The following MED4 variants were observed in gnomAD, a reference collection of about 807,000 sequenced individuals.
MED4 encodes mediator of RNA polymerase II transcription subunit 4.
In MED4, 21 loss-of-function variants were observed where a neutral mutation model predicts 35.0. That is an observed-to-expected ratio of 0.60 (90% CI 0.43 to 0.86). The LOEUF (loss-of-function observed/expected upper bound fraction) is 0.86, where lower values mean the gene tolerates loss of function less well. Ranked by LOEUF, MED4 falls within the 40% of genes least tolerant of loss-of-function variation. MED4 has a pLI of 0.00. For synonymous variants in MED4, 138 were observed against 114.0 expected, an observed-to-expected ratio of 1.21 and a Z score of -1.34; for missense variants, 300 against 319.4, an observed-to-expected ratio of 0.94 and a Z score of 0.46.
At chr13:48,086,157 C>T in intron 3 of MED4, 125 bp downstream of exon 3, 1 of 828,610 alleles carries the variant, frequency 1.2e-6, no homozygotes, top group East Asian at 2.5e-5. Flanking sequence ...TGGTGAGTGA[C>T]AAGATATCAC....
At chr13:48,091,156 T>C (rs543390169) in intron 1 of MED4, among the ~76,000 whole-genome samples, 30 of 152,326 alleles carry the variant, frequency 2.0e-4, no homozygotes, top group African/African-American at 7.0e-4. Context: ...TTTTTAATGA[T>C]TCTCCACTTT....
intron 2 of MED4, among the ~76,000 whole-genome samples, chr13:48,086,827 A>G (rs905728901): frequency 6.6e-5 from 10 of 152,134 alleles, no homozygotes; most frequent in Non-Finnish European, 1.2e-4. Context: ...ATGCGGGCAG[A>G]TCACTTGAGG....
rs199856249 is a variant in MED4 at position 48,086,430 on chromosome 13, C to T, written c.215G>A (p.Arg72Gln). The change falls in exon 3 of 7, where the codon CGA (arginine) becomes CAA (glutamine). Residue 72 changes from arginine to glutamine, a missense_variant. Coordinates refer to ENST00000258648, the MANE Select transcript of MED4 (RefSeq NM_014166.4). ...ENQVLELLIH[R>Q]DGEFQELMKL... Reference sequence around the variant, plus strand: ...CATTAGTTCTTGAAATTCCCCATCTCGGTGAATTAACAACTCCAGGACCTG... The same window carrying T: ...CATTAGTTCTTGAAATTCCCCATCTTGGTGAATTAACAACTCCAGGACCTG... 36 of 1,613,568 alleles carry T rather than the reference C, an allele frequency of 2.2e-5. 1 individual carries two copies. The highest frequency in any genetic ancestry group is 3.3e-4 in the Middle Eastern group (2 of 6,056).
intron 6 of MED4, among the ~76,000 whole-genome samples, chr13:48,077,708 T>A (rs1950771726): frequency 6.6e-6 from 1 of 152,172 alleles, no homozygotes. Flanking sequence ...ATTGTGCCAA[T>A]TTTTTTAAGA....
At chr13:48,079,692 C>T in intron 6 of MED4, 152 bp downstream of exon 6, 1 of 843,598 alleles carries the variant, frequency 1.2e-6, no homozygotes, top group Non-Finnish European at 1.8e-6. Flanking sequence ...CAACACGCTC[C>T]AGCCTGGGTG....
intron 1 of MED4, among the ~76,000 whole-genome samples, chr13:48,094,613 G>GTC (rs138639384): frequency 0.025 from 3,744 of 152,112 alleles, 79 homozygotes; most frequent in South Asian, 0.078. Context: ...TTACACATCT[G>GTC]TCTCTCTCTC....
At chr13:48,088,728 A>C (rs1950870054) in intron 2 of MED4, among the ~76,000 whole-genome samples, 1 of 152,226 alleles carries the variant, frequency 6.6e-6, no homozygotes, top group Non-Finnish European at 1.5e-5. Context: ...ATTAACCTCT[A>C]CCTCATCCGT....
chr13:48,092,357 C>T (rs187669165), intron 1 of MED4, among the ~76,000 whole-genome samples: 174 of 152,314 alleles, frequency 1.1e-3, no homozygotes, highest in Admixed American at 4.6e-3. Flanking sequence ...GGTGATCCGC[C>T]GGCCTCGGCC....
chr13:48,083,451 A>C, intron 3 of MED4, 23 bp from the exon 4 acceptor site: 1 of 1,606,102 alleles, frequency 6.2e-7, no homozygotes, highest in Non-Finnish European at 8.5e-7. Context: ...ACATTTAAAA[A>C]ACGTGGTTTA....
intron 3 of MED4, 49 bp downstream of exon 3, chr13:48,086,233 A>G: frequency 8.4e-6 from 13 of 1,552,678 alleles, no homozygotes; most frequent in Non-Finnish European, 1.1e-5. Flanking sequence ...TCAGAAACAG[A>G]TTAAACAACA....
chr13:48,094,179 T>C (rs1950908818), intron 1 of MED4, among the ~76,000 whole-genome samples: 1 of 151,830 alleles, frequency 6.6e-6, no homozygotes, highest in Admixed American at 6.6e-5. Flanking sequence ...TAAAACTGTT[T>C]GGGAGGCTAC....
chr13:48,080,978 A>G (rs1330923505), intron 5 of MED4, among the ~76,000 whole-genome samples: 2 of 152,246 alleles, frequency 1.3e-5, no homozygotes, highest in African/African-American at 2.4e-5. Flanking sequence ...TTTTGGGCAC[A>G]TCTCACCAAC....
intron 1 of MED4, among the ~76,000 whole-genome samples, chr13:48,094,104 T>G (rs1232769306): frequency 6.6e-6 from 1 of 152,178 alleles, no homozygotes; most frequent in Non-Finnish European, 1.5e-5. Context: ...AAAAGTGATA[T>G]AAGATGCCTT....
intron 1 of MED4, among the ~76,000 whole-genome samples, chr13:48,092,443 A>C (rs1317271915): frequency 6.6e-6 from 1 of 152,222 alleles, no homozygotes; most frequent in African/African-American, 2.4e-5. Flanking sequence ...ATGAGAAGCC[A>C]CTGGGTTATT....
chr13:48,095,030 C>T lies in MED4; in HGVS notation c.49G>A (p.Gly17Ser), dbSNP rs1478301861. The T allele has an allele frequency of 1.9e-6, 3 of 1,606,320 alleles. No homozygotes were observed. The African/African-American group carries it at 4.0e-5, about 21-fold the overall frequency. Residue 17 changes from glycine (G) to serine (S), a missense_variant, in exon 1 of 7, where the codon GGT (glycine) becomes AGT (serine). Coordinates refer to ENST00000258648, the MANE Select transcript of MED4 (RefSeq NM_014166.4). ...GEKEKERLGG[G>S]LGVAGGNSTR... is the part of the protein sequence containing the mutation. ...CTGTTACCACCCGCCACTCCCAAAC[C>T]GCCTCCCAGCCGCTCCTTCTCCTTC...
chr13:48,085,028 A>G (rs531899330), intron 3 of MED4, among the ~76,000 whole-genome samples: 1 of 151,700 alleles, frequency 6.6e-6, no homozygotes, highest in Admixed American at 6.6e-5. Context: ...CACCATGCCC[A>G]GCTAAATTTT....
rs1201542438 is a variant in MED4 at position 48,076,183 on chromosome 13, T to C, written c.*956A>G. 1 of 152,212 alleles carries C rather than the reference T, an allele frequency of 6.6e-6. No homozygotes were observed. Among genetic ancestry groups the C allele is most frequent in the African/African-American group, 2.4e-5 (1 of 41,462 alleles). 9.4% of individuals were successfully genotyped at this position (152,212 alleles called of 1,614,324 possible). On this transcript the variant is annotated 3_prime_UTR_variant, in exon 7 of 7. Coordinates refer to ENST00000258648, the MANE Select transcript of MED4 (RefSeq NM_014166.4). ...AAATGTTTCACATTAAATGTTGTAT[T>C]ACCTTTGAAATCAGAAGATACATTG...
intron 2 of MED4, among the ~76,000 whole-genome samples, chr13:48,089,589 A>C (rs7323969): frequency 0.24 from 35,855 of 152,044 alleles, 5,068 homozygotes; most frequent in African/African-American, 0.4. Flanking sequence ...CCAAAAAAAA[A>C]AATTTCTTTT....
Position 48,080,335 on chromosome 13 carries a change from T to C in MED4, c.509-360A>G, listed in dbSNP as rs1356202342. Among the ~76,000 whole-genome samples the C allele has an allele frequency of 2.9e-5, 4 of 139,164 alleles. No individual in the cohort carries two copies. In the South Asian group the frequency reaches 6.6e-4, roughly 23 times the overall value. 91.3% of individuals were successfully genotyped at this position (139,164 alleles called of 152,430 possible). A position where few individuals can be genotyped will look rare whatever the true frequency, so the allele number is the denominator to read the frequency against. ...TCGCTTGAACCCGGGAGGCAGAGGT[T>C]GCAGTGAGCTGAGATTGCACCACTG... On this transcript the variant is annotated intron_variant, in intron 5 of 6. Coordinates refer to ENST00000258648, the MANE Select transcript of MED4 (RefSeq NM_014166.4).
Sources: gnomAD v4.1 joint callset for allele counts (sites outside exome capture counted in the v4.1 genomes callset) on GRCh38, gnomAD v4.1.1 for gene constraint, MANE v1.5 for transcripts, NCBI Gene and HGNC (gene_info 2026-07-23, HGNC 2026-07-21) for gene names.